NEB: variants seen among roughly 807,000 people sequenced by gnomAD.
The protein encoded by NEB is nemaline myopathy type 2.
In NEB, 512 loss-of-function variants were observed where a neutral mutation model predicts 952.2. That is an observed-to-expected ratio of 0.54 (90% CI 0.50 to 0.58). NEB has a LOEUF of 0.58. Ranked by LOEUF, NEB falls within the 20% of genes least tolerant of loss-of-function variation. The pLI is 0.00. For synonymous variants in NEB, 2,900 were observed against 3,149.8 expected (o/e 0.92, Z 2.66); for missense variants, 8,428 against 9,231.1 (o/e 0.91, Z 3.56).
chr2:151,627,818 C>T lies in NEB; in HGVS notation c.9848G>A (p.Gly3283Asp), dbSNP rs2098553051. The stretch of plus-strand genomic sequence containing the variant: ...GTGGTGGCCGAGCTGCTTGCGGTAA[C>T]CATCTTTGTATTTGTACTGAAATAA... ...DVISDYKYKD[G>D]YRKQLGHHIG... Residue 3283 changes from glycine to aspartate, a missense_variant, in exon 69 of 182, where the codon GGT becomes GAT. This residue lies in a region of NEB where 1,772 missense variants were observed against 1,960.3 expected (regional missense o/e 0.90). Coordinates refer to ENST00000397345, the MANE Select transcript of NEB (RefSeq NM_001164508.2). The T allele has an allele frequency of 6.2e-7, 1 of 1,613,494 alleles. No homozygotes were observed. Among genetic ancestry groups the T allele is most frequent in the Admixed American group, 1.7e-5 (1 of 59,972 alleles).
chr2:151,527,330 G>A (rs549351171), intron 147 of NEB, 151 bp downstream of exon 147: 15 of 697,562 alleles, frequency 2.2e-5, no homozygotes, highest in South Asian at 6.2e-5. Flanking sequence ...TTCTGAGCTC[G>A]CCTATCGCTC....
chr2:151,721,518 A>G (rs1399441799), intron 9 of NEB, among the ~76,000 whole-genome samples: 1 of 152,076 alleles, frequency 6.6e-6, no homozygotes, highest in African/African-American at 2.4e-5. Context: ...CCACCTCCAC[A>G]TGGCCTTCTC....
chr2:151,617,446 T>C lies in NEB; in HGVS notation c.11099A>G (p.Asp3700Gly), dbSNP rs1442287583. Residue 3700 changes from aspartate (D) to glycine (G), a missense_variant, in exon 75 of 182, where the codon GAC becomes GGC. Around this residue, in one of 11 missense-constraint regions of NEB, gnomAD observed 1,772 missense variants for 1,960.3 expected, o/e 0.90. Transcript: ENST00000397345. ...MNKRLYTEAW[D>G]NDKKTIHVMP... is the part of the protein sequence containing the mutation. ...GACATGAATAGTTTTCTTGTCATTGTCCCAGGCTTCAGTATATAAGCGCTA... is the reference window on the plus strand; with the variant it reads ...GACATGAATAGTTTTCTTGTCATTGCCCCAGGCTTCAGTATATAAGCGCTA... 1.3e-6 allele frequency: 2 copies of C among 1,541,828 alleles called. No individual in the cohort carries two copies. The highest frequency in any genetic ancestry group is 1.4e-5 in the African/African-American group (1 of 71,684).
intron 170 of NEB, chr2:151,497,946 T>TA (rs2061422982): frequency 6.9e-7 from 1 of 1,444,580 alleles, no homozygotes; most frequent in Admixed American, 2.9e-5. Context: ...TTATCCATGT[T>TA]ATTTTTTTTC....
At chr2:151,611,440 T>C (rs901062223) in intron 78 of NEB, among the ~76,000 whole-genome samples, 1 of 152,208 alleles carries the variant, frequency 6.6e-6, no homozygotes, top group Non-Finnish European at 1.5e-5. Flanking sequence ...ATGGATATAG[T>C]ATAAAAGAGT....
rs1559581960 is a variant in NEB at position 151,529,284 on chromosome 2, T to G, written c.21661A>C (p.Lys7221Gln). ...TCTGGCTCAATGGTGCAGTTGGATT[T>G]ATTTCTTTGGTATACTTCTTTGTAT... ...LKYKEVYQRN[K>Q]SNCTIEPDAV... The change falls in exon 146 of 182, where the codon AAA becomes CAA. Residue 7221 changes from lysine (K) to glutamine (Q), a missense_variant. Coordinates refer to ENST00000397345, the MANE Select transcript of NEB (RefSeq NM_001164508.2). 11 of 1,613,392 alleles carry G rather than the reference T, an allele frequency of 6.8e-6. No homozygotes were observed. Among genetic ancestry groups the G allele is most frequent in the Non-Finnish European group, 9.3e-6 (11 of 1,179,332 alleles).
intron 56 of NEB, among the ~76,000 whole-genome samples, 160 bp downstream of exon 56, chr2:151,644,308 A>T (rs1434221757): frequency 6.6e-6 from 1 of 152,166 alleles, no homozygotes; most frequent in African/African-American, 2.4e-5. Context: ...TACATAATAA[A>T]TGCATCCTTG....
chr2:151,490,834 A>G (rs1233205851), intron 179 of NEB, among the ~76,000 whole-genome samples: 1 of 152,170 alleles, frequency 6.6e-6, no homozygotes, highest in African/African-American at 2.4e-5. Flanking sequence ...AAATAGTAAT[A>G]TTCACATTCA....
In NEB at chr2:151,636,245, G is replaced by C; in HGVS notation, c.9084C>G (p.Ser3028=). 6.2e-7 allele frequency: 1 copy of C among 1,609,582 alleles called. No homozygotes were observed. Among genetic ancestry groups the C allele is most frequent in the Non-Finnish European group, 8.5e-7 (1 of 1,179,538 alleles). The change falls in exon 64 of 182, where the codon TCC becomes TCG. Residue 3028 remains serine, a synonymous_variant. Coordinates refer to ENST00000397345, the MANE Select transcript of NEB (RefSeq NM_001164508.2). ...AACTCACGTCACTGATGATGTCCCT[G>C]GAGGCCTTGGCCGCCACGATGGGGA... is the stretch of plus-strand genomic sequence containing the variant. ...DAIPIVAAKA[S]RDIISDYKYK...
At chr2:151,687,312 GA>G in intron 27 of NEB, 106 bp downstream of exon 27, 1 of 909,314 alleles carries the variant, frequency 1.1e-6, no homozygotes, top group Non-Finnish European at 1.7e-6. Flanking sequence ...TTGTGAATGT[GA>G]TGTGAAAGAG....
chr2:151,694,170 T>C (rs954715667), intron 20 of NEB, among the ~76,000 whole-genome samples, 153 bp downstream of exon 20: 8 of 152,196 alleles, frequency 5.3e-5, no homozygotes, highest in African/African-American at 1.9e-4. Flanking sequence ...AATAAGGAAG[T>C]TCATCTTCCT....
Position 151,562,747 on chromosome 2 carries a change from A to T in NEB, c.18755T>A (p.Met6252Lys). Reference sequence around the variant, plus strand: ...GCACCTTTTAGCCAGCACGTGATTCATCATGTCATTGGGGATATGAACATT... The same window carrying T: ...GCACCTTTTAGCCAGCACGTGATTCTTCATGTCATTGGGGATATGAACATT... Reference protein sequence around the residue: ...KANVHIPNDMMNHVLAKRCQY... With the variant: ...KANVHIPNDMKNHVLAKRCQY... Residue 6252 changes from methionine to lysine, a missense_variant, in exon 120 of 182, where the codon ATG becomes AAG. Physicochemically the swap from Met to Lys is moderately conservative, Grantham distance 95. Coordinates refer to ENST00000397345, the MANE Select transcript of NEB (RefSeq NM_001164508.2). 1 of 1,600,938 alleles carries T rather than the reference A, an allele frequency of 6.2e-7. No homozygotes were observed. Among genetic ancestry groups the T allele is most frequent in the Non-Finnish European group, 8.5e-7 (1 of 1,173,152 alleles).
chr2:151,637,633 A>G (rs2098787348), intron 63 of NEB, among the ~76,000 whole-genome samples: 1 of 152,154 alleles, frequency 6.6e-6, no homozygotes, highest in Non-Finnish European at 1.5e-5. Flanking sequence ...CCGCACTAAC[A>G]CATCTCTGAG....
intron 124 of NEB, among the ~76,000 whole-genome samples, chr2:151,557,009 T>C (rs1308744865): frequency 6.6e-6 from 1 of 151,748 alleles, no homozygotes; most frequent in Non-Finnish European, 1.5e-5. Flanking sequence ...CAAGAAATAA[T>C]TAAGATCAGA....
chr2:151,668,841 GA>G (rs2099251657), intron 39 of NEB, among the ~76,000 whole-genome samples, 185 bp downstream of exon 39: 1 of 151,882 alleles, frequency 6.6e-6, no homozygotes, highest in African/African-American at 2.4e-5. Flanking sequence ...CCATAGTCTG[GA>G]AAAGCCTGTA....
intron 13 of NEB, among the ~76,000 whole-genome samples, chr2:151,702,269 G>A (rs1023158889): frequency 3.5e-4 from 53 of 151,912 alleles, no homozygotes; most frequent in African/African-American, 1.3e-3. Context: ...ATTTGCTGAG[G>A]AGAGCTTTAC....
intron 34 of NEB, 69 bp from the exon 35 acceptor site, chr2:151,675,460 T>C: frequency 9.6e-7 from 1 of 1,042,952 alleles, no homozygotes; most frequent in Non-Finnish European, 1.4e-6. Flanking sequence ...AAAGAGTTAT[T>C]TTTAGCACAA....
intron 153 of NEB, 118 bp from the exon 154 acceptor site, chr2:151,519,886 C>G: frequency 1.5e-6 from 1 of 653,096 alleles, no homozygotes; most frequent in Non-Finnish European, 2.7e-6. Context: ...ATCATATAAT[C>G]TATTATCCAA....
rs371675358 is a variant in NEB, at chr2:151,612,229, G to A, written c.11762C>T (p.Pro3921Leu). The A allele has an allele frequency of 3.3e-5, 54 of 1,613,780 alleles. No homozygotes were observed. The highest frequency in any genetic ancestry group is 3.3e-4 in the Middle Eastern group (2 of 6,058). Residue 3921 changes from proline to leucine, a missense_variant, in exon 78 of 182, where the codon CCG (proline) becomes CTG (leucine). Physicochemically the swap from Pro to Leu is moderately conservative, Grantham distance 98. Around this residue, in one of 11 missense-constraint regions of NEB, gnomAD observed 337 missense variants for 297.5 expected, o/e 1.13. Coordinates refer to ENST00000397345, the MANE Select transcript of NEB (RefSeq NM_001164508.2). ...QLKFTCITDT[P>L]EIVLAKNNAL... ...ATTATTCTTTGCTAGGACAATTTCC[G>A]GAGTGTCGGTAATGCATGTGAATTT...
Sources: gnomAD v4.1 joint callset for allele counts (sites outside exome capture counted in the v4.1 genomes callset) on GRCh38, gnomAD v4.1.1 for gene constraint, gnomAD v4.1.1 regional missense constraint, MANE v1.5 for transcripts, NCBI Gene and HGNC (gene_info 2026-07-23, HGNC 2026-07-21) for gene names.